MAGI2: variants seen among roughly 807,000 people sequenced by gnomAD.
MAGI2 encodes membrane-associated guanylate kinase, WW and PDZ domain-containing protein 2.
In MAGI2, 35 loss-of-function variants were observed where a neutral mutation model predicts 133.3. That is an observed-to-expected ratio of 0.26 (90% confidence interval 0.20 to 0.35). MAGI2 has a LOEUF of 0.35. Among genes scored for constraint, MAGI2 ranks in the 10% least tolerant of loss-of-function variants. The probability of loss-of-function intolerance (pLI) is 1.00; values close to 1 mark genes in which losing one functional copy is unlikely to be tolerated. For synonymous variants in MAGI2, 729 were observed against 710.6 expected (o/e 1.03, Z -0.41); for missense variants, 1,636 against 1,863.4 (o/e 0.88, Z 2.25).
At chr7:78,266,439 G>A (rs1398872466) in intron 9 of MAGI2, among the ~76,000 whole-genome samples, 1 of 152,088 alleles carries the variant, frequency 6.6e-6, no homozygotes, top group African/African-American at 2.4e-5. Flanking sequence ...CTGGACTCAA[G>A]CAATCTGCCC....
intron 2 of MAGI2, among the ~76,000 whole-genome samples, chr7:78,819,263 G>A (rs774481911): frequency 6.6e-5 from 10 of 152,204 alleles, no homozygotes; most frequent in Non-Finnish European, 1.3e-4. Flanking sequence ...TTTCTTACAG[G>A]TTGAAGGATC....
intron 6 of MAGI2, among the ~76,000 whole-genome samples, chr7:78,482,878 TACACACAC>T (rs3086358): frequency 4.6e-3 from 413 of 89,938 alleles, no homozygotes; most frequent in Middle Eastern, 0.035. Flanking sequence ...CACATGGAAC[TACACACAC>T]ACACACACAC....
At chr7:78,617,377 T>C (rs1807219699) in intron 3 of MAGI2, 1 of 152,280 alleles carries the variant, frequency 6.6e-6, no homozygotes, top group Non-Finnish European at 1.5e-5. Flanking sequence ...CAGAATTTCC[T>C]TTCATGGAAT....
At chr7:78,745,403 C>T (rs1224535044) in intron 2 of MAGI2, among the ~76,000 whole-genome samples, 1 of 152,104 alleles carries the variant, frequency 6.6e-6, no homozygotes, top group Non-Finnish European at 1.5e-5. Context: ...ATGAGGCAAG[C>T]TTTCTGTTCC....
At position 78,256,476 on chromosome 7, in the gene MAGI2, A is replaced by G. The variant is rs781756034; in HGVS notation, c.1514T>C (p.Val505Ala). ...GGGCAAAGGGTAGCCACGACACAACACCAGGTTGACACTCTGACCAATAGG... is the reference window on the plus strand; with the variant it reads ...GGGCAAAGGGTAGCCACGACACAACGCCAGGTTGACACTCTGACCAATAGG... ...SVPIGQSVNLVLCRGYPLPFD... is the reference protein window; with the variant it reads ...SVPIGQSVNLALCRGYPLPFD... The change falls in exon 10 of 22, where the codon GTG (valine) becomes GCG (alanine). Residue 505 changes from valine to alanine, a missense_variant. This residue lies in a region of MAGI2 where 920 missense variants were observed against 1,093.5 expected (regional missense o/e 0.84). Coordinates refer to ENST00000354212, the MANE Select transcript of MAGI2 (RefSeq NM_012301.4). 4 of 1,613,844 alleles carry G rather than the reference A, an allele frequency of 2.5e-6. No homozygotes were observed. In the East Asian group the frequency reaches 8.9e-5, roughly 36 times the overall value.
At chr7:78,070,092 CACACACACACACAT>C (rs1397630133) in intron 21 of MAGI2, among the ~76,000 whole-genome samples, 1 of 114,276 alleles carries the variant, frequency 8.8e-6, no homozygotes, top group African/African-American at 3.2e-5. Flanking sequence ...TCACTATAAA[CACACACACACACAT>C]ACACACACAC....
At chr7:78,317,837 C>A (rs1225534984) in intron 9 of MAGI2, among the ~76,000 whole-genome samples, 4 of 152,092 alleles carry the variant, frequency 2.6e-5, no homozygotes, top group Non-Finnish European at 5.9e-5. Flanking sequence ...CTGGTGATAC[C>A]CAGGCAAACA....
At chr7:78,937,155 A>G (rs1474492846) in intron 2 of MAGI2, among the ~76,000 whole-genome samples, 2 of 152,096 alleles carry the variant, frequency 1.3e-5, no homozygotes, top group Admixed American at 6.6e-5. Flanking sequence ...GAATGTGATC[A>G]TGTTCAAGGG....
intron 1 of MAGI2, among the ~76,000 whole-genome samples, chr7:79,056,615 CCTT>C (rs1201443596): frequency 5.3e-5 from 8 of 152,170 alleles, no homozygotes; most frequent in Admixed American, 3.9e-4. Context: ...TAACATCTCT[CCTT>C]CTAATTGGGT....
chr7:78,458,294 C>CAAAAAAAAAAAAAAAAA (rs11380893), intron 6 of MAGI2, among the ~76,000 whole-genome samples: 4 of 113,072 alleles, frequency 3.5e-5, no homozygotes, highest in East Asian at 2.5e-4. Context: ...AACTCGGTCT[C>CAAAAAAAAAAAAAAAAA]AAAAAAAAAA....
intron 2 of MAGI2, among the ~76,000 whole-genome samples, chr7:78,929,554 C>T (rs1799955380): frequency 6.6e-6 from 1 of 152,116 alleles, no homozygotes; most frequent in African/African-American, 2.4e-5. Context: ...CCTTTTCCAG[C>T]TTCTAGTGGC....
intron 2 of MAGI2, among the ~76,000 whole-genome samples, chr7:78,991,035 A>T (rs1805719003): frequency 6.6e-6 from 1 of 151,296 alleles, no homozygotes; most frequent in Admixed American, 6.6e-5. Flanking sequence ...GGGTGATTAG[A>T]TCATGGGGGC....
At chr7:78,356,943 C>G (rs566518288) in intron 7 of MAGI2, among the ~76,000 whole-genome samples, 1 of 152,300 alleles carries the variant, frequency 6.6e-6, no homozygotes. Flanking sequence ...ATTTTGTCTA[C>G]CACTCACTAT....
At chr7:79,234,877 TTA>T (rs1255218157) in intron 1 of MAGI2, among the ~76,000 whole-genome samples, 1 of 151,814 alleles carries the variant, frequency 6.6e-6, no homozygotes, top group African/African-American at 2.4e-5. Context: ...GCTCTGCGTT[TTA>T]GAGTTTCCAG....
chr7:78,706,072 C>T (rs1818610123), intron 2 of MAGI2, among the ~76,000 whole-genome samples: 1 of 152,016 alleles, frequency 6.6e-6, no homozygotes, highest in South Asian at 2.1e-4. Context: ...AATGGTATCT[C>T]AAGCATCATG....
At chr7:78,579,058 G>A (rs900906043) in intron 3 of MAGI2, among the ~76,000 whole-genome samples, 1 of 152,106 alleles carries the variant, frequency 6.6e-6, no homozygotes, top group Non-Finnish European at 1.5e-5. Context: ...CCTTTGTGAA[G>A]CTTTCCTCAG....
At chr7:78,588,154 G>T (rs572451930) in intron 3 of MAGI2, among the ~76,000 whole-genome samples, 1 of 152,166 alleles carries the variant, frequency 6.6e-6, no homozygotes, top group African/African-American at 2.4e-5. Context: ...CAGAATAGGT[G>T]CTTGTTCAAC....
intron 1 of MAGI2, among the ~76,000 whole-genome samples, chr7:79,300,355 G>A (rs1473805789): frequency 6.6e-6 from 1 of 152,188 alleles, no homozygotes; most frequent in Non-Finnish European, 1.5e-5. Flanking sequence ...ATTGGAAACT[G>A]GAGCACAGGT....
chr7:78,217,978 T>A (rs1247399322), intron 10 of MAGI2, among the ~76,000 whole-genome samples: 1 of 152,082 alleles, frequency 6.6e-6, no homozygotes, highest in Non-Finnish European at 1.5e-5. Context: ...AAGCTGCCGT[T>A]TTACTTAGGA....
Sources: allele counts gnomAD v4.1 joint callset (sites outside exome capture counted in the v4.1 genomes callset), GRCh38; gene constraint gnomAD v4.1.1; regional missense constraint gnomAD v4.1.1; transcripts MANE v1.5; gene names NCBI Gene and HGNC (gene_info 2026-07-23, HGNC 2026-07-21).